Variants in GARNL3 observed in about 807,000 individuals in gnomAD.
The protein encoded by GARNL3 is GTPase-activating Rap/Ran-GAP domain-like protein 3.
Under a neutral mutation model 125.0 loss-of-function variants are expected in GARNL3, and 63 were observed. That is an observed-to-expected ratio of 0.50 (90% CI 0.41 to 0.62). GARNL3 has a LOEUF of 0.62. GARNL3 is among the 20% of genes least tolerant of loss of function. The probability of loss-of-function intolerance (pLI) is 0.00; values close to 1 mark genes in which losing one functional copy is unlikely to be tolerated. For missense variants in GARNL3, 994 were observed against 1,244.0 expected (o/e 0.80, Z 3.02); for synonymous variants, 439 against 457.5 (o/e 0.96, Z 0.52).
intron 1 of GARNL3, among the ~76,000 whole-genome samples, chr9:127,241,749 T>TTTTG (rs139658317): frequency 2.9e-4 from 44 of 151,550 alleles, no homozygotes; most frequent in Middle Eastern, 3.4e-3. Flanking sequence ...TTTTGAGGTT[T>TTTTG]TTTGTTTGTT....
Position 127,388,968 on chromosome 9 carries a change from A to C in GARNL3, c.2592A>C (p.Glu864Asp), listed in dbSNP as rs374729396. 154 of 1,613,788 alleles carry C rather than the reference A, an allele frequency of 9.5e-5. No individual in the cohort carries two copies. The highest frequency in any genetic ancestry group is 1.3e-4 in the Non-Finnish European group (148 of 1,179,750). The change falls in exon 26 of 28, where the codon GAA becomes GAC. Residue 864 changes from glutamate to aspartate, a missense_variant. Coordinates refer to ENST00000373387, the MANE Select transcript of GARNL3 (RefSeq NM_032293.5). ...PLRNLVGRSI[E>D]RPLKSPLVSK... ...GAAACCTCGTGGGCAGAAGCATCGA[A>C]CGACCTCTGAAGTCACCCTTAGTCT...
chr9:127,353,777 G>A, intron 17 of GARNL3, 69 bp from the exon 18 acceptor site: 1 of 1,015,230 alleles, frequency 9.8e-7, no homozygotes, highest in Non-Finnish European at 1.6e-6. Flanking sequence ...CTACCCACAG[G>A]CACGTTTGGT....
At position 127,385,057 on chromosome 9, in the gene GARNL3, C is replaced by T. The variant is rs1215519393; in HGVS notation, c.2300C>T (p.Thr767Ile). The T allele has an allele frequency of 6.2e-7, 1 of 1,611,904 alleles. No homozygotes were observed. Among genetic ancestry groups the T allele is most frequent in the South Asian group, 1.1e-5 (1 of 90,624 alleles). Residue 767 changes from threonine to isoleucine, a missense_variant, in exon 24 of 28, where the codon ACC becomes ATC. Physicochemically the swap from Thr to Ile is moderately conservative, Grantham distance 89. Coordinates refer to ENST00000373387, the MANE Select transcript of GARNL3 (RefSeq NM_032293.5). This position sits in a 1 kb window ranked among gnomAD's most constrained non-coding sequence, Gnocchi z 4.1. ...VCAFPYLLAF[T>I]TDSMEIRLVV... is the part of the protein sequence containing the mutation. Reference sequence around the variant, plus strand: ...GCTTTCCCGTATCTCCTGGCCTTCACCACCGACTCCATGGAGATCCGCCTG... The same window carrying T: ...GCTTTCCCGTATCTCCTGGCCTTCATCACCGACTCCATGGAGATCCGCCTG...
chr9:127,232,679 C>T (rs145186524), intron 1 of GARNL3, among the ~76,000 whole-genome samples: 1 of 152,226 alleles, frequency 6.6e-6, no homozygotes, highest in African/African-American at 2.4e-5. Flanking sequence ...TTAATATTGT[C>T]AAAATCTATG....
chr9:127,229,312 C>A (rs73669827), intron 1 of GARNL3, among the ~76,000 whole-genome samples: 11,159 of 152,100 alleles, frequency 0.073, 1,362 homozygotes, highest in African/African-American at 0.25. Context: ...CATATGGGTG[C>A]CCCTGCTCCA....
chr9:127,357,042 G>A (rs1000972358), intron 20 of GARNL3, among the ~76,000 whole-genome samples, 177 bp from the exon 21 acceptor site: 2 of 152,260 alleles, frequency 1.3e-5, no homozygotes, highest in Non-Finnish European at 2.9e-5. Flanking sequence ...ATGGGAAGGA[G>A]ATGTCGGATG....
At chr9:127,301,433 G>T (rs1019459983) in intron 2 of GARNL3, among the ~76,000 whole-genome samples, 1 of 152,162 alleles carries the variant, frequency 6.6e-6, no homozygotes, top group African/African-American at 2.4e-5. Flanking sequence ...ATATAATGGA[G>T]ACTATTTTGG....
At chr9:127,370,031 C>A (rs963492531) in intron 22 of GARNL3, among the ~76,000 whole-genome samples, 2 of 152,156 alleles carry the variant, frequency 1.3e-5, no homozygotes, top group African/African-American at 2.4e-5. Flanking sequence ...AGCATTTGTT[C>A]TCTCGGGAAG....
intron 21 of GARNL3, among the ~76,000 whole-genome samples, chr9:127,360,881 G>A (rs1219428038): frequency 6.6e-6 from 1 of 152,188 alleles, no homozygotes; most frequent in Non-Finnish European, 1.5e-5. Flanking sequence ...AAGCACTAAA[G>A]CAACATTCTG....
chr9:127,282,063 G>T (rs771166490), intron 1 of GARNL3, among the ~76,000 whole-genome samples: 4 of 152,160 alleles, frequency 2.6e-5, no homozygotes, highest in Non-Finnish European at 2.9e-5. Context: ...TTTGTCTGTT[G>T]TTATGGCATT....
At chr9:127,272,832 A>G (rs1295504321) in intron 1 of GARNL3, among the ~76,000 whole-genome samples, 2 of 151,998 alleles carry the variant, frequency 1.3e-5, no homozygotes, top group Non-Finnish European at 2.9e-5. Context: ...CTTTTTTGAT[A>G]TTTTTACTGC....
chr9:127,225,650 C>G (rs1475317251), intron 1 of GARNL3, among the ~76,000 whole-genome samples: 1 of 151,556 alleles, frequency 6.6e-6, no homozygotes, highest in Non-Finnish European at 1.5e-5. Context: ...CGCACGCCCG[C>G]GGCTTCGGCG....
Position 127,364,978 on chromosome 9 carries a change from A to G in GARNL3, c.2095-322A>G. ...TTTGCCATTGGAAATAATGGCATAT[A>G]AACCTGAGGCATTTCAATAGAGAGA... is the stretch of plus-strand genomic sequence containing the variant. On this transcript the variant is annotated intron_variant, in intron 21 of 27. Transcript: ENST00000373387. The surrounding 1 kb of genome is among the most constrained non-coding windows in gnomAD (Gnocchi z 4.2). 3.4e-6 allele frequency: 1 copy of G among 291,304 alleles called. No homozygotes were observed. The highest frequency in any genetic ancestry group is 6.4e-6 in the Non-Finnish European group (1 of 157,304). 18.0% of individuals were successfully genotyped at this position (291,304 alleles called of 1,614,324 possible). A position where few individuals can be genotyped will look rare whatever the true frequency, so the allele number is the denominator to read the frequency against.
At chr9:127,252,548 T>C (rs945041744) in intron 2 of GARNL3, among the ~76,000 whole-genome samples, 2 of 152,360 alleles carry the variant, frequency 1.3e-5, no homozygotes, top group Middle Eastern at 3.4e-3. Context: ...TATATAGTTG[T>C]AGGAACTGAG....
At position 127,338,244 on chromosome 9, in the gene GARNL3, T is replaced by C. The variant is rs764705745; in HGVS notation, c.1028+83T>C. The C allele has an allele frequency of 4.6e-6, 5 of 1,086,194 alleles. No individual in the cohort carries two copies. In the African/African-American group the frequency reaches 6.2e-5, roughly 13 times the overall value. 67.3% of individuals were successfully genotyped at this position (1,086,194 alleles called of 1,614,324 possible). On this transcript the variant is annotated intron_variant, in intron 12 of 27. Coordinates refer to ENST00000373387, the MANE Select transcript of GARNL3 (RefSeq NM_032293.5). ...ATTGATTTTTACAAGACTCTTGATATACATATTTCTTGATTGATTTAATAT... is the reference window on the plus strand; with the variant it reads ...ATTGATTTTTACAAGACTCTTGATACACATATTTCTTGATTGATTTAATAT...
At chr9:127,251,715 A>T (rs2063407358) in intron 2 of GARNL3, among the ~76,000 whole-genome samples, 1 of 152,232 alleles carries the variant, frequency 6.6e-6, no homozygotes, top group African/African-American at 2.4e-5. Context: ...AGAATTTCTC[A>T]CATATTGGTA....
chr9:127,345,571 G>A (rs1339971208), intron 16 of GARNL3, 94 bp downstream of exon 16: 10 of 825,220 alleles, frequency 1.2e-5, no homozygotes, highest in Non-Finnish European at 1.5e-5. Context: ...AGAGCAGAAG[G>A]AAGAAGAGCA....
intron 7 of GARNL3, among the ~76,000 whole-genome samples, chr9:127,332,056 A>G (rs1275140462): frequency 6.6e-6 from 1 of 152,134 alleles, no homozygotes; most frequent in Non-Finnish European, 1.5e-5. Flanking sequence ...ACGAATTCAT[A>G]AAAGCATACA....
At chr9:127,326,088 G>A (rs1384358369) in intron 7 of GARNL3, among the ~76,000 whole-genome samples, 2 of 152,098 alleles carry the variant, frequency 1.3e-5, no homozygotes, top group Admixed American at 6.6e-5. Flanking sequence ...TCCCACTGCT[G>A]GGGATGCTTG....
Sources: allele counts gnomAD v4.1 joint callset (sites outside exome capture counted in the v4.1 genomes callset), GRCh38; gene constraint gnomAD v4.1.1; non-coding constraint Gnocchi (gnomAD v3.1); transcripts MANE v1.5; gene names NCBI Gene and HGNC (gene_info 2026-07-23, HGNC 2026-07-21).